Variants in FMN1 observed in about 807,000 individuals in gnomAD.
FMN1 encodes formin 1, also known as formin-1.
A neutral mutation model predicts 132.4 loss-of-function variants in FMN1; 110 were observed. That is an observed-to-expected ratio of 0.83 (90% CI 0.71 to 0.97). The LOEUF (loss-of-function observed/expected upper bound fraction) is 0.97. Ranked by LOEUF, FMN1 falls within the 50% of genes least tolerant of loss-of-function variation. FMN1 has a pLI of 0.00. For synonymous variants in FMN1, 722 were observed against 651.7 expected, an observed-to-expected ratio of 1.11 and a Z score of -1.64; for missense variants, 1,792 against 1,705.3, an observed-to-expected ratio of 1.05 and a Z score of -0.90.
chr15:33,025,315 A>G (rs752741923), intron 6 of FMN1, among the ~76,000 whole-genome samples: 2 of 152,198 alleles, frequency 1.3e-5, no homozygotes, highest in Non-Finnish European at 2.9e-5. Context: ...ATAATGACTG[A>G]CACAATCAAC....
At chr15:32,952,175 ATATG>A (rs1374198814) in intron 9 of FMN1, among the ~76,000 whole-genome samples, 4 of 152,232 alleles carry the variant, frequency 2.6e-5, no homozygotes, top group African/African-American at 9.6e-5. Context: ...CCCCAAGAGT[ATATG>A]TATATACAAC....
intron 5 of FMN1, among the ~76,000 whole-genome samples, chr15:33,082,328 C>T (rs2038514770): frequency 6.6e-6 from 1 of 152,098 alleles, no homozygotes; most frequent in Non-Finnish European, 1.5e-5. Context: ...CTGCCTCGGC[C>T]TCCCAAAGTG....
intron 2 of FMN1, among the ~76,000 whole-genome samples, chr15:33,185,389 T>G (rs1965844812): frequency 6.6e-6 from 1 of 152,038 alleles, no homozygotes; most frequent in Admixed American, 6.5e-5. Context: ...CTGGGTTTTG[T>G]ATTATTATAT....
chr15:32,970,538 G>T (rs192383763), intron 7 of FMN1, among the ~76,000 whole-genome samples: 1 of 152,136 alleles, frequency 6.6e-6, no homozygotes, highest in African/African-American at 2.4e-5. Context: ...CACTGTCATT[G>T]TCACTGTCCC....
chr15:32,853,139 T>C (rs1429618269), intron 17 of FMN1, among the ~76,000 whole-genome samples: 1 of 152,240 alleles, frequency 6.6e-6, no homozygotes, highest in Non-Finnish European at 1.5e-5. Context: ...TTGTTCCCCA[T>C]GGTATTTAGC....
chr15:33,075,019 TCAAAAAAAAAAAAAAAA>T (rs1566892905), intron 5 of FMN1, among the ~76,000 whole-genome samples: 1 of 16,444 alleles, frequency 6.1e-5, no homozygotes, highest in Non-Finnish European at 1.2e-4. Context: ...AGATTCCATC[TCAAAAAAAAAAAAAAAA>T]AAAAAAAAAA....
At chr15:32,822,360 A>G (rs888602587) in intron 17 of FMN1, among the ~76,000 whole-genome samples, 1 of 152,116 alleles carries the variant, frequency 6.6e-6, no homozygotes, top group Non-Finnish European at 1.5e-5. Context: ...AAACAAACAA[A>G]CAAACAAAAA....
intron 15 of FMN1, 59 bp downstream of exon 15, chr15:32,898,775 C>CTT: frequency 9.0e-7 from 1 of 1,115,368 alleles, no homozygotes; most frequent in Non-Finnish European, 1.4e-6. Context: ...CATCATCCAA[C>CTT]TTATGAATGT....
chr15:32,833,912 T>C (rs1483815279), intron 17 of FMN1, among the ~76,000 whole-genome samples: 2 of 152,180 alleles, frequency 1.3e-5, no homozygotes, highest in Admixed American at 1.3e-4. Context: ...CTTGGGTTCC[T>C]CCATAAGCCC....
intron 6 of FMN1, among the ~76,000 whole-genome samples, chr15:33,025,434 CAAAG>C (rs1479853764): frequency 6.6e-6 from 1 of 152,018 alleles, no homozygotes; most frequent in Non-Finnish European, 1.5e-5. Context: ...TGATGATTCA[CAAAG>C]AAAACCTTTC....
chr15:33,063,001 A>G (rs2037556146), intron 6 of FMN1: 1 of 152,166 alleles, frequency 6.6e-6, no homozygotes, highest in African/African-American at 2.4e-5. Context: ...CCCTTGTACT[A>G]AACTCCCGTG....
At chr15:32,782,705 C>T (rs76858687) in intron 19 of FMN1, among the ~76,000 whole-genome samples, 69 of 152,282 alleles carry the variant, frequency 4.5e-4, no homozygotes, top group Non-Finnish European at 7.6e-4. Flanking sequence ...GCTCAACCTC[C>T]TCATTGTTTG....
chr15:32,951,628 A>G (rs2061655621), intron 9 of FMN1, among the ~76,000 whole-genome samples: 1 of 152,206 alleles, frequency 6.6e-6, no homozygotes. Context: ...CATGGTGGCA[A>G]TGATGGTGGT....
intron 12 of FMN1, among the ~76,000 whole-genome samples, chr15:32,903,159 A>T (rs1459372181): frequency 2.0e-5 from 3 of 150,624 alleles, no homozygotes; most frequent in African/African-American, 7.4e-5. Flanking sequence ...CGACTAGGTC[A>T]TAATCCACAA....
At chr15:32,922,369 C>G (rs1353337190) in intron 10 of FMN1, among the ~76,000 whole-genome samples, 1 of 152,214 alleles carries the variant, frequency 6.6e-6, no homozygotes, top group African/African-American at 2.4e-5. Context: ...GAATATATGA[C>G]TTTTATGCAT....
intron 9 of FMN1, among the ~76,000 whole-genome samples, chr15:32,948,173 T>C (rs566768290): frequency 2.4e-4 from 37 of 152,144 alleles, no homozygotes; most frequent in African/African-American, 8.9e-4. Context: ...TATTTTGCCA[T>C]CATCTTTCAA....
intron 4 of FMN1, among the ~76,000 whole-genome samples, chr15:33,121,809 G>C (rs866694338): frequency 1.3e-5 from 2 of 152,122 alleles, no homozygotes; most frequent in African/African-American, 4.8e-5. Flanking sequence ...AGGATTATAG[G>C]CGTGAGCCAC....
chr15:33,009,822 T>G (rs2034611693), intron 6 of FMN1, among the ~76,000 whole-genome samples: 1 of 152,232 alleles, frequency 6.6e-6, no homozygotes, highest in African/African-American at 2.4e-5. Flanking sequence ...AATGATAGTA[T>G]GTCCATATGA....
At chr15:32,958,942 T>G (rs993507217) in intron 9 of FMN1, among the ~76,000 whole-genome samples, 1 of 149,500 alleles carries the variant, frequency 6.7e-6, no homozygotes, top group African/African-American at 2.5e-5. Flanking sequence ...CTTGGGAGGC[T>G]GAGGCAGGAC....
Sources: allele counts gnomAD v4.1 joint callset (sites outside exome capture counted in the v4.1 genomes callset), GRCh38; gene constraint gnomAD v4.1.1; transcripts MANE v1.5; gene names NCBI Gene and HGNC (gene_info 2026-07-23, HGNC 2026-07-21).